The following RAD51B variants were observed in gnomAD, a reference collection of about 807,000 sequenced individuals.
RAD51B encodes the protein DNA repair protein RAD51 homolog 2.
In RAD51B, 38 loss-of-function variants were observed where a neutral mutation model predicts 42.2. The ratio of observed to expected loss-of-function variants is 0.90; its 90% CI spans 0.70 to 1.18. The LOEUF is 1.18. Ranked by LOEUF, RAD51B falls within the 50% of genes most tolerant of loss-of-function variation. RAD51B has a pLI of 0.00. For missense variants in RAD51B, 373 were observed against 400.7 expected (o/e 0.93, Z 0.59); for synonymous variants, 154 against 145.2 (o/e 1.06, Z -0.43).
chr14:68,345,275 G>A (rs8019953), intron 8 of RAD51B, among the ~76,000 whole-genome samples: 51 of 152,234 alleles, frequency 3.4e-4, no homozygotes, highest in African/African-American at 1.2e-3. Context: ...ATGAGATTTG[G>A]GGAGCTAGAG....
At chr14:67,853,866 C>A (rs1177398836) in intron 4 of RAD51B, among the ~76,000 whole-genome samples, 1 of 152,080 alleles carries the variant, frequency 6.6e-6, no homozygotes, top group African/African-American at 2.4e-5. Flanking sequence ...AGTTACAACA[C>A]CAACATGAAA....
intron 8 of RAD51B, among the ~76,000 whole-genome samples, chr14:68,394,947 C>T (rs1425277593): frequency 2.0e-5 from 3 of 152,158 alleles, no homozygotes; most frequent in South Asian, 2.1e-4. Flanking sequence ...AGCGCCAGTG[C>T]CCCAGTGAGC....
At chr14:68,639,447 A>T (rs1424372883) in intron 10 of RAD51B, among the ~76,000 whole-genome samples, 3 of 152,174 alleles carry the variant, frequency 2.0e-5, no homozygotes, top group East Asian at 3.8e-4. Flanking sequence ...CCCCTCCTGC[A>T]TGCAAGGGTG....
At chr14:67,940,737 G>A (rs1257298957) in intron 7 of RAD51B, among the ~76,000 whole-genome samples, 1 of 151,722 alleles carries the variant, frequency 6.6e-6, no homozygotes, top group African/African-American at 2.4e-5. Context: ...TCTTTGCAGA[G>A]TTTCCCAATT....
At chr14:68,211,860 A>T (rs547945895) in intron 7 of RAD51B, among the ~76,000 whole-genome samples, 19 of 152,342 alleles carry the variant, frequency 1.2e-4, no homozygotes, top group Admixed American at 9.8e-4. Flanking sequence ...GTCACTGGCA[A>T]GTCCTTCTTT....
At chr14:68,519,274 G>A (rs1399077063) in intron 10 of RAD51B, among the ~76,000 whole-genome samples, 2 of 152,254 alleles carry the variant, frequency 1.3e-5, no homozygotes, top group African/African-American at 4.8e-5. Context: ...GGTGGGGCAG[G>A]AGGGTTGTTA....
chr14:68,422,087 C>T (rs994177391), intron 9 of RAD51B: 47 of 1,505,014 alleles, frequency 3.1e-5, no homozygotes, highest in Middle Eastern at 3.4e-4. Context: ...GCTCGGAGCA[C>T]GAAAATTTTC....
At chr14:68,135,992 TG>T (rs1302024101) in intron 7 of RAD51B, among the ~76,000 whole-genome samples, 1 of 152,164 alleles carries the variant, frequency 6.6e-6, no homozygotes. Flanking sequence ...TTAAAAATCT[TG>T]GTCCTTATAT....
At chr14:68,536,746 T>C (rs548260997) in intron 10 of RAD51B, among the ~76,000 whole-genome samples, 4 of 152,208 alleles carry the variant, frequency 2.6e-5, no homozygotes, top group East Asian at 1.9e-4. Flanking sequence ...ATAGTCTTTT[T>C]CCCCCCTTTT....
chr14:68,566,150 T>G (rs1344942497), intron 10 of RAD51B, among the ~76,000 whole-genome samples: 1 of 152,202 alleles, frequency 6.6e-6, no homozygotes, highest in East Asian at 1.9e-4. Context: ...AGAAACTAAC[T>G]TTACATAGCT....
chr14:68,271,649 A>G (rs1326429941), intron 7 of RAD51B, among the ~76,000 whole-genome samples: 1 of 152,120 alleles, frequency 6.6e-6, no homozygotes, highest in East Asian at 1.9e-4. Context: ...CTCTAAGCTC[A>G]TTTTCTTTAC....
chr14:68,281,704 A>G (rs906323443), intron 7 of RAD51B, among the ~76,000 whole-genome samples: 1 of 152,258 alleles, frequency 6.6e-6, no homozygotes, highest in Non-Finnish European at 1.5e-5. Flanking sequence ...TAATGATGTC[A>G]TATGAGAGGC....
intron 7 of RAD51B, chr14:68,236,253 T>A (rs551666638): frequency 6.6e-6 from 1 of 151,902 alleles, no homozygotes; most frequent in South Asian, 2.1e-4. Context: ...AGAGAAGAGG[T>A]CTTGCCATGT....
intron 8 of RAD51B, among the ~76,000 whole-genome samples, chr14:68,374,216 C>T (rs967436643): frequency 2.6e-5 from 4 of 152,174 alleles, no homozygotes; most frequent in African/African-American, 9.7e-5. Flanking sequence ...TCTGATTTTC[C>T]TAGTGCCTAG....
At chr14:68,576,513 C>G (rs1889969991) in intron 10 of RAD51B, among the ~76,000 whole-genome samples, 1 of 152,184 alleles carries the variant, frequency 6.6e-6, no homozygotes, top group Non-Finnish European at 1.5e-5. Flanking sequence ...GTCTTTGCAG[C>G]CTTTCCATGG....
At chr14:68,212,856 A>G (rs2079738878) in intron 7 of RAD51B, among the ~76,000 whole-genome samples, 1 of 152,176 alleles carries the variant, frequency 6.6e-6, no homozygotes, top group South Asian at 2.1e-4. Context: ...TTCACAGTTC[A>G]TCTTATTGGT....
intron 8 of RAD51B, among the ~76,000 whole-genome samples, chr14:68,342,010 A>G (rs2082581411): frequency 6.6e-6 from 1 of 152,158 alleles, no homozygotes; most frequent in Admixed American, 6.5e-5. Context: ...AAAAATCCAG[A>G]TGCTTTTTTC....
intron 10 of RAD51B, among the ~76,000 whole-genome samples, chr14:68,636,846 G>A (rs1410722383): frequency 2.6e-5 from 4 of 152,148 alleles, no homozygotes; most frequent in Admixed American, 1.3e-4. Flanking sequence ...GGAGGACGGC[G>A]GCCCCAAGCA....
intron 7 of RAD51B, among the ~76,000 whole-genome samples, chr14:68,103,940 T>A (rs2077333690): frequency 6.6e-6 from 1 of 152,198 alleles, no homozygotes; most frequent in Non-Finnish European, 1.5e-5. Flanking sequence ...CATTTTTCAG[T>A]ATTAGGGTTG....
Sources: gnomAD v4.1 joint callset for allele counts (sites outside exome capture counted in the v4.1 genomes callset) on GRCh38, gnomAD v4.1.1 for gene constraint, MANE v1.5 for transcripts, NCBI Gene and HGNC (gene_info 2026-07-23, HGNC 2026-07-21) for gene names.